Variants in PRG4 observed in about 807,000 individuals in gnomAD.
PRG4 encodes the protein proteoglycan 4.
PRG4 carries 61 observed loss-of-function variants against 91.2 expected under a neutral mutation model. That is an observed-to-expected ratio of 0.67 (90% CI 0.54 to 0.83). PRG4 has a LOEUF of 0.83. Ranked by LOEUF, PRG4 falls within the 40% of genes least tolerant of loss-of-function variation. The probability of loss-of-function intolerance (pLI) is 0.00; values close to 1 mark genes in which losing one functional copy is unlikely to be tolerated. For synonymous variants in PRG4, 576 were observed against 614.2 expected (o/e 0.94, Z 0.92); for missense variants, 1,564 against 1,714.2 (o/e 0.91, Z 1.55).
rs1423580208 is a variant in PRG4 at position 186,300,077 on chromosome 1, T to G, written c.77-14T>G. On this transcript the variant is annotated splice_polypyrimidine_tract_variant and intron_variant, in intron 2 of 12. Transcript: ENST00000445192. ...TGGTTTGGCCATATTTACGCCAGTA[T>G]TGTATAATTTTAGATTTATCAAGCT... 6.2e-7 allele frequency: 1 copy of G among 1,613,780 alleles called. No individual in the cohort carries two copies. Among genetic ancestry groups the G allele is most frequent in the Non-Finnish European group, 8.5e-7 (1 of 1,179,744 alleles).
chr1:186,306,791 C>T lies in PRG4; in HGVS notation c.1072C>T (p.Pro358Ser), dbSNP rs749595862. The change falls in exon 7 of 13, where the codon CCT (proline) becomes TCT (serine). Residue 358 changes from proline to serine, a missense_variant. By Grantham distance (74) the Pro-to-Ser change is moderately conservative. Around this residue, in one of 3 missense-constraint regions of PRG4, gnomAD observed 437 missense variants for 459.0 expected, o/e 0.95. Coordinates refer to ENST00000445192, the MANE Select transcript of PRG4 (RefSeq NM_005807.6). ...GCCCACGCCCACCACTCCCAAGGAG[C>T]CTGCATCTACCACACCCAAAGAGCC... ...KEPTPTTPKE[P>S]ASTTPKEPTP... The T allele has an allele frequency of 5.6e-6, 9 of 1,612,538 alleles. No homozygotes were observed. The Admixed American group carries it at 1.2e-4, about 21-fold the overall frequency.
Position 186,306,562 on chromosome 1 carries a change from G to C in PRG4, c.843G>C (p.Glu281Asp). The change falls in exon 7 of 13, where the codon GAG (glutamate) becomes GAC (aspartate). Residue 281 changes from glutamate (E) to aspartate (D), a missense_variant. Around this residue, in one of 3 missense-constraint regions of PRG4, gnomAD observed 437 missense variants for 459.0 expected, o/e 0.95. Coordinates refer to ENST00000445192, the MANE Select transcript of PRG4 (RefSeq NM_005807.6). ...AGACGTCTTTGACAGTGAATAAAGAGACAACAGTTGAAACTAAAGAAACTA... is the reference window on the plus strand; with the variant it reads ...AGACGTCTTTGACAGTGAATAAAGACACAACAGTTGAAACTAAAGAAACTA... ...SKETSLTVNK[E>D]TTVETKETTT... 4 of 1,613,396 alleles carry C rather than the reference G, an allele frequency of 2.5e-6. No homozygotes were observed. The highest frequency in any genetic ancestry group is 3.4e-6 in the Non-Finnish European group (4 of 1,179,554).
At chr1:186,309,699 A>T (rs1447901465) in intron 7 of PRG4, 94 bp from the exon 8 acceptor site, 1 of 935,984 alleles carries the variant, frequency 1.1e-6, no homozygotes, top group Non-Finnish European at 1.7e-6. Flanking sequence ...GAAAAGGTAA[A>T]CAGGAAATAG....
chr1:186,302,957 T>C (rs1283472996), intron 4 of PRG4, among the ~76,000 whole-genome samples: 1 of 152,158 alleles, frequency 6.6e-6, no homozygotes, highest in African/African-American at 2.4e-5. Flanking sequence ...ATGAAGGCGA[T>C]GCTGGCCAAC....
At chr1:186,296,732 T>C in intron 1 of PRG4, 114 bp from the exon 2 acceptor site, 3 of 657,290 alleles carry the variant, frequency 4.6e-6, no homozygotes, top group Non-Finnish European at 5.4e-6. Context: ...GTTTCAAGAA[T>C]GGGATGGTTT....
intron 2 of PRG4, among the ~76,000 whole-genome samples, chr1:186,298,859 CTCT>C (rs750999720): frequency 7.9e-5 from 12 of 151,966 alleles, no homozygotes; most frequent in Non-Finnish European, 1.5e-4. Flanking sequence ...TCTTCTCATT[CTCT>C]TTTTTCTTTA....
At chr1:186,309,914 T>C in intron 8 of PRG4, 44 bp downstream of exon 8, 1 of 1,544,156 alleles carries the variant, frequency 6.5e-7, no homozygotes, top group Non-Finnish European at 9.0e-7. Context: ...CATTCTGTTT[T>C]GGCATTTATG....
intron 2 of PRG4, among the ~76,000 whole-genome samples, chr1:186,299,884 A>G (rs1485520209): frequency 6.6e-6 from 1 of 152,184 alleles, no homozygotes; most frequent in African/African-American, 2.4e-5. Context: ...TGTGTTTATC[A>G]TCTCAGTCTA....
chr1:186,301,998 G>A (rs1298942207), intron 4 of PRG4, among the ~76,000 whole-genome samples: 2 of 152,094 alleles, frequency 1.3e-5, no homozygotes, highest in African/African-American at 4.8e-5. Flanking sequence ...TTCAGATATG[G>A]TTCAATTTCA....
chr1:186,311,315 C>A, intron 9 of PRG4, 125 bp from the exon 10 acceptor site: 1 of 1,404,832 alleles, frequency 7.1e-7, no homozygotes. Context: ...AGTTTGATAA[C>A]AGTAATGGTC....
At chr1:186,309,734 A>G in intron 7 of PRG4, 59 bp from the exon 8 acceptor site, 5 of 1,254,724 alleles carry the variant, frequency 4.0e-6, no homozygotes, top group Non-Finnish European at 5.9e-6. Context: ...ACTTGAAAAG[A>G]ACATACAGAC....
In PRG4 at chr1:186,306,680, T is replaced by A; in HGVS notation, c.961T>A (p.Leu321Ile). 6.2e-7 allele frequency: 1 copy of A among 1,613,754 alleles called. No homozygotes were observed. The highest frequency in any genetic ancestry group is 8.5e-7 in the Non-Finnish European group (1 of 1,179,778). ...QSIEKTSAKD[L>I]APTSKVLAKP... ...TATAGAGAAAACATCTGCTAAAGATTTAGCACCCACATCTAAAGTGCTGGC... is the reference window on the plus strand; with the variant it reads ...TATAGAGAAAACATCTGCTAAAGATATAGCACCCACATCTAAAGTGCTGGC... The change falls in exon 7 of 13, where the codon TTA becomes ATA. Residue 321 changes from leucine (L) to isoleucine (I), a missense_variant. Leu to Ile is a conservative substitution (Grantham distance 5, BLOSUM62 2). Coordinates refer to ENST00000445192, the MANE Select transcript of PRG4 (RefSeq NM_005807.6).
rs577525462 is a variant in PRG4 at position 186,298,583 on chromosome 1, G to A, written c.77-1508G>A. Among the ~76,000 whole-genome samples, 22 of 151,514 alleles carry A rather than the reference G, an allele frequency of 1.5e-4. 1 individual carries two copies. In the East Asian group the frequency reaches 2.0e-3, roughly 13 times the overall value. On this transcript the variant is annotated intron_variant, in intron 2 of 12. Coordinates refer to ENST00000445192, the MANE Select transcript of PRG4 (RefSeq NM_005807.6). ...TTGGCTCACTGCAACCTCCACCTAC[G>A]GGGTTCAAGCGATTCTCCTGTCTCA...
chr1:186,312,840 T>C lies in PRG4; in HGVS notation c.4063T>C (p.Ser1355Pro). 1 of 1,612,244 alleles carries C rather than the reference T, an allele frequency of 6.2e-7. No homozygotes were observed. The highest frequency in any genetic ancestry group is 8.5e-7 in the Non-Finnish European group (1 of 1,178,322). ...TCCAAATGTGGTTACCTCAGCTATA[T>C]CACTGCCCAACATCAGAAAACCTGA... ...GLPNVVTSAISLPNIRKPDGY... is the reference protein window; with the variant it reads ...GLPNVVTSAIPLPNIRKPDGY... Residue 1355 changes from serine to proline, a missense_variant, in exon 12 of 13, where the codon TCA (serine) becomes CCA (proline). Ser to Pro is a moderately conservative substitution (Grantham distance 74, BLOSUM62 -1). Transcript: ENST00000445192.
At chr1:186,303,379 T>C (rs908336643) in intron 4 of PRG4, among the ~76,000 whole-genome samples, 2 of 151,468 alleles carry the variant, frequency 1.3e-5, no homozygotes, top group African/African-American at 4.9e-5. Flanking sequence ...AGCAGCATGA[T>C]TTATCACAAC....
At chr1:186,306,286 C>G (rs765227473) in intron 6 of PRG4, 32 bp from the exon 7 acceptor site, 1 of 1,498,072 alleles carries the variant, frequency 6.7e-7, no homozygotes, top group African/African-American at 1.4e-5. Flanking sequence ...AAAAAATATT[C>G]TAAAATAACA....
chr1:186,312,866 C>G lies in PRG4; in HGVS notation c.4089C>G (p.Asp1363Glu). ...AISLPNIRKP[D>E]GYDYYAFSKD... ...CACTGCCCAACATCAGAAAACCTGA[C>G]GGCTATGATTACTATGCCTTTTCTA... is the stretch of plus-strand genomic sequence containing the variant. The change falls in exon 12 of 13, where the codon GAC becomes GAG. Residue 1363 changes from aspartate (D) to glutamate (E), a missense_variant. Asp to Glu is a conservative substitution (Grantham distance 45). Transcript: ENST00000445192. 1 of 1,612,428 alleles carries G rather than the reference C, an allele frequency of 6.2e-7. No homozygotes were observed. Among genetic ancestry groups the G allele is most frequent in the Non-Finnish European group, 8.5e-7 (1 of 1,178,562 alleles).
In PRG4 at chr1:186,296,844, A is replaced by T; in HGVS notation, c.-30-2A>T. ...TTTCTGATACTTTTATTTTATTTTC[A>T]GCAAGGGTACCTACGGTACCTGAAA... On this transcript the variant is annotated splice_acceptor_variant, in intron 1 of 12. Transcript: ENST00000445192. LOFTEE classifies it low-confidence loss of function (5UTR_SPLICE). 1 of 1,545,202 alleles carries T rather than the reference A, an allele frequency of 6.5e-7. No individual in the cohort carries two copies. Among genetic ancestry groups the T allele is most frequent in the Non-Finnish European group, 8.9e-7 (1 of 1,117,584 alleles).
rs1657372777 is a variant in PRG4 at position 186,312,797 on chromosome 1, T to C, written c.4020T>C (p.Ser1340=). 1 of 1,612,554 alleles carries C rather than the reference T, an allele frequency of 6.2e-7. No individual in the cohort carries two copies. ...KGVLHNEVKV[S]ILWRGLPNVV... is the part of the protein sequence containing the mutation. Reference sequence around the variant, plus strand: ...TCCTTCATAATGAAGTTAAAGTGAGTATACTGTGGAGAGGACTTCCAAATG... The same window carrying C: ...TCCTTCATAATGAAGTTAAAGTGAGCATACTGTGGAGAGGACTTCCAAATG... Residue 1340 remains serine, a synonymous_variant, in exon 12 of 13, where the codon AGT becomes AGC. Coordinates refer to ENST00000445192, the MANE Select transcript of PRG4 (RefSeq NM_005807.6).
Sources: gnomAD v4.1 joint callset for allele counts (sites outside exome capture counted in the v4.1 genomes callset) on GRCh38, gnomAD v4.1.1 for gene constraint, gnomAD v4.1.1 regional missense constraint, MANE v1.5 for transcripts, NCBI Gene and HGNC (gene_info 2026-07-23, HGNC 2026-07-21) for gene names.